Variants in ORC3 observed in about 807,000 individuals in gnomAD.
ORC3 encodes origin recognition complex subunit 3.
In ORC3, 78 loss-of-function variants were observed where a neutral mutation model predicts 100.7. The observed-to-expected ratio is 0.77, with a 90% CI of 0.65 to 0.94. ORC3 has a LOEUF of 0.94. ORC3 is among the 40% of genes least tolerant of loss of function. The pLI is 0.00. For synonymous variants in ORC3, 295 were observed against 289.3 expected (o/e 1.02, Z -0.20); for missense variants, 789 against 823.9 (o/e 0.96, Z 0.52).
intron 16 of ORC3, among the ~76,000 whole-genome samples, chr6:87,660,629 G>A (rs2128294237): frequency 6.6e-6 from 1 of 152,328 alleles, no homozygotes; most frequent in South Asian, 2.1e-4. Flanking sequence ...GCCAGATCTT[G>A]AGAGATGAGA....
At position 87,650,060 on chromosome 6, in the gene ORC3, TC is replaced by T. The variant is rs1164542703; in HGVS notation, c.1383-3055del. 2.2e-3 allele frequency among the ~76,000 whole-genome samples: 313 copies of T among 141,608 alleles called. 2 individuals are homozygous for T. Among genetic ancestry groups the T allele is most frequent in the African/African-American group, 8.2e-3 (295 of 35,854 alleles). The allele number at this position is 141,608 out of a possible 152,430, so 92.9% of individuals were successfully genotyped here. ...TTTATTCACTTACTTTTTTACACTC[TC>T]TTTTTTTTTTTTTTTTTGAGAGAGG... On this transcript the variant is annotated intron_variant, in intron 13 of 19. Coordinates refer to ENST00000392844, the MANE Select transcript of ORC3 (RefSeq NM_012381.4).
chr6:87,656,084 A>C (rs1379190288), intron 14 of ORC3, among the ~76,000 whole-genome samples: 1 of 152,206 alleles, frequency 6.6e-6, no homozygotes, highest in Non-Finnish European at 1.5e-5. Context: ...GCTCTCTAGA[A>C]GGAGCACAGC....
chr6:87,632,037 G>T (rs538578062), intron 11 of ORC3, among the ~76,000 whole-genome samples: 2 of 151,976 alleles, frequency 1.3e-5, no homozygotes, highest in Non-Finnish European at 2.9e-5. Context: ...TATGGCAGGC[G>T]CCTGTAATTC....
chr6:87,612,270 A>C, intron 8 of ORC3, 22 bp downstream of exon 8: 1 of 1,555,582 alleles, frequency 6.4e-7, no homozygotes, highest in Non-Finnish European at 8.7e-7. Flanking sequence ...AAGTTTTACC[A>C]GTGAAATAGG....
the ORC3 span, chr6:87,675,903 C>T: frequency 1.3e-4 from 217 of 1,613,424 alleles, 1 homozygote; most frequent in Admixed American, 2.0e-4. Flanking sequence ...TTTGATCATG[C>T]GTAAACTTCA....
At chr6:87,641,635 G>C (rs1768267955) in intron 13 of ORC3, among the ~76,000 whole-genome samples, 1 of 152,160 alleles carries the variant, frequency 6.6e-6, no homozygotes, top group African/African-American at 2.4e-5. Context: ...GAAGGTGATT[G>C]ATAGCTGGAG....
intron 19 of ORC3, among the ~76,000 whole-genome samples, chr6:87,666,344 C>G (rs6910592): frequency 4.0e-5 from 6 of 151,282 alleles, no homozygotes; most frequent in African/African-American, 9.7e-5. Flanking sequence ...GTTGGCCAGG[C>G]TGGTCTCGAA....
chr6:87,649,013 C>T (rs1231871679), intron 13 of ORC3, among the ~76,000 whole-genome samples: 1 of 152,196 alleles, frequency 6.6e-6, no homozygotes, highest in African/African-American at 2.4e-5. Flanking sequence ...TTTCCCTACA[C>T]TTTTGCTGCT....
chr6:87,642,819 G>A (rs188652622), intron 13 of ORC3, among the ~76,000 whole-genome samples: 198 of 150,982 alleles, frequency 1.3e-3, no homozygotes, highest in African/African-American at 3.9e-3. Context: ...GGAGAATGGC[G>A]TGAACCCAGG....
intron 7 of ORC3, 39 bp from the exon 8 acceptor site, chr6:87,612,050 T>C (rs891477130): frequency 6.4e-6 from 10 of 1,566,038 alleles, no homozygotes; most frequent in Non-Finnish European, 8.7e-6. Flanking sequence ...ATATATTTGC[T>C]AAATAAATTT....
At chr6:87,621,873 C>A in intron 10 of ORC3, 77 bp from the exon 11 acceptor site, 1 of 1,006,722 alleles carries the variant, frequency 9.9e-7, no homozygotes, top group Non-Finnish European at 1.5e-6. Flanking sequence ...CTAGGTAGTT[C>A]TTTTTCCCAA....
chr6:87,621,352 A>C lies in ORC3; in HGVS notation c.988-2A>C, dbSNP rs1583061326. On this transcript the variant is annotated splice_acceptor_variant, in intron 9 of 19. Transcript: ENST00000392844. LOFTEE classifies it high-confidence loss of function. ...TATGTTTAATCTTCACATGTCTTTC[A>C]GCTTTCTCTATTAGAGCATTTCTAT... The C allele has an allele frequency of 2.6e-6, 4 of 1,510,174 alleles. No individual in the cohort carries two copies. The highest frequency in any genetic ancestry group is 3.5e-6 in the Non-Finnish European group (4 of 1,134,740). 93.5% of individuals were successfully genotyped at this position (1,510,174 alleles called of 1,614,324 possible).
At chr6:87,645,145 G>C (rs1308188162) in intron 13 of ORC3, among the ~76,000 whole-genome samples, 1 of 151,750 alleles carries the variant, frequency 6.6e-6, no homozygotes, top group African/African-American at 2.4e-5. Context: ...CTTCATTTTT[G>C]AAACCACTGA....
At position 87,635,044 on chromosome 6, in the gene ORC3, C is replaced by G. The variant is rs1021557435; in HGVS notation, c.1302+83C>G. The G allele has an allele frequency of 1.6e-5, 13 of 801,742 alleles. No individual in the cohort carries two copies. In the African/African-American group the frequency reaches 1.7e-4, roughly 10 times the overall value. 49.7% of individuals were successfully genotyped at this position (801,742 alleles called of 1,614,324 possible). ...TTTGGTTTTTGTAGCATTCAGGCAT[C>G]AGAATGTGAAATGAAGCCAATCCTT... On this transcript the variant is annotated intron_variant, in intron 12 of 19. Coordinates refer to ENST00000392844, the MANE Select transcript of ORC3 (RefSeq NM_012381.4).
chr6:87,642,177 C>G (rs1039289588), intron 13 of ORC3, among the ~76,000 whole-genome samples: 4 of 152,140 alleles, frequency 2.6e-5, no homozygotes. Flanking sequence ...ATGCCTATAG[C>G]CCAAGCTACT....
the ORC3 span, chr6:87,675,613 G>C: frequency 6.8e-6 from 11 of 1,613,904 alleles, no homozygotes; most frequent in East Asian, 2.2e-5. Context: ...AACATCTAAA[G>C]GGTGAGAAAA....
At chr6:87,663,239 CAG>C (rs1362399746) in intron 17 of ORC3, 95 bp downstream of exon 17, 2 of 968,642 alleles carry the variant, frequency 2.1e-6, no homozygotes, top group Non-Finnish European at 3.0e-6. Context: ...TTTTAATGAG[CAG>C]AGAGTCGGCA....
At chr6:87,625,631 A>T (rs1779843761) in intron 11 of ORC3, among the ~76,000 whole-genome samples, 1 of 152,066 alleles carries the variant, frequency 6.6e-6, no homozygotes, top group Admixed American at 6.6e-5. Context: ...ATTTTCTCCC[A>T]TTTTGTAGGT....
intron 18 of ORC3, 31 bp downstream of exon 18, chr6:87,664,890 A>G (rs1770478155): frequency 2.3e-6 from 3 of 1,331,278 alleles, no homozygotes; most frequent in Non-Finnish European, 3.2e-6. Flanking sequence ...CAAGCTAGAT[A>G]TTTTTCTAAC....
Sources: allele counts gnomAD v4.1 joint callset (sites outside exome capture counted in the v4.1 genomes callset), GRCh38; gene constraint gnomAD v4.1.1; transcripts MANE v1.5; gene names NCBI Gene and HGNC (gene_info 2026-07-23, HGNC 2026-07-21).